CDH12: variants seen among roughly 807,000 people sequenced by gnomAD.
CDH12 encodes the protein cadherin 12.
Under a neutral mutation model 74.1 loss-of-function variants are expected in CDH12, and 41 were observed. The ratio of observed to expected loss-of-function variants is 0.55; its 90% CI spans 0.43 to 0.72. The LOEUF (loss-of-function observed/expected upper bound fraction) is 0.72. Ranked by LOEUF, CDH12 falls within the 30% of genes least tolerant of loss-of-function variation. The pLI is 0.00. For missense variants in CDH12, 945 were observed against 977.2 expected (o/e 0.97, Z 0.44); for synonymous variants, 399 against 355.0 (o/e 1.12, Z -1.39).
chr5:21,751,426 TC>T lies in CDH12; in HGVS notation c.*310del, dbSNP rs764693502. ...GCTATCTTCGTTCTAGGTTGTCATG[TC>T]AGTAAATTGTATTGAATAGGCCTGA... is the stretch of plus-strand genomic sequence containing the variant. On this transcript the variant is annotated 3_prime_UTR_variant, in exon 15 of 15. Coordinates refer to ENST00000382254, the MANE Select transcript of CDH12 (RefSeq NM_004061.5). 4.9e-4 allele frequency: 127 copies of T among 258,178 alleles called. No homozygotes were observed. The highest frequency in any genetic ancestry group is 7.4e-4 in the Non-Finnish European group (98 of 132,794). 16.0% of individuals were successfully genotyped at this position (258,178 alleles called of 1,614,324 possible). A position where few individuals can be genotyped will look rare whatever the true frequency, so the allele number is the denominator to read the frequency against.
At chr5:22,737,313 T>C (rs1744781019) in intron 1 of CDH12, among the ~76,000 whole-genome samples, 1 of 151,874 alleles carries the variant, frequency 6.6e-6, no homozygotes, top group Non-Finnish European at 1.5e-5. Flanking sequence ...CATAGTCTGA[T>C]CCCTACCTGA....
intron 1 of CDH12, among the ~76,000 whole-genome samples, chr5:22,678,033 T>C (rs1741292580): frequency 9.4e-6 from 1 of 106,112 alleles, no homozygotes; most frequent in Non-Finnish European, 2.0e-5. Context: ...TCACCTCCTA[T>C]ACCATCCTCA....
At chr5:21,983,128 C>A (rs1348159286) in intron 5 of CDH12, among the ~76,000 whole-genome samples, 3 of 152,066 alleles carry the variant, frequency 2.0e-5, no homozygotes, top group Non-Finnish European at 4.4e-5. Context: ...TGTTGTCTTG[C>A]ACTAATTTTA....
chr5:22,826,660 G>T (rs931003529), intron 1 of CDH12, among the ~76,000 whole-genome samples: 15 of 152,166 alleles, frequency 9.9e-5, no homozygotes, highest in Non-Finnish European at 1.6e-4. Context: ...TGAAGAACTT[G>T]TTGGGAACTG....
At chr5:21,752,871 A>T (rs1173507949) in intron 14 of CDH12, among the ~76,000 whole-genome samples, 1 of 152,204 alleles carries the variant, frequency 6.6e-6, no homozygotes, top group African/African-American at 2.4e-5. Flanking sequence ...TAAATCTTAC[A>T]AACTAAAGCA....
At chr5:22,283,688 C>G (rs953982870) in intron 3 of CDH12, among the ~76,000 whole-genome samples, 1 of 151,854 alleles carries the variant, frequency 6.6e-6, no homozygotes, top group Non-Finnish European at 1.5e-5. Flanking sequence ...ATCCAGAGAT[C>G]TATTGTATAG....
chr5:21,895,366 T>C (rs1753075823), intron 6 of CDH12, among the ~76,000 whole-genome samples: 1 of 152,124 alleles, frequency 6.6e-6, no homozygotes, highest in Admixed American at 6.6e-5. Context: ...CAAAACTGAG[T>C]AGGCCGGCGG....
At chr5:22,109,798 C>A (rs1450800597) in intron 4 of CDH12, among the ~76,000 whole-genome samples, 3 of 151,950 alleles carry the variant, frequency 2.0e-5, no homozygotes, top group Non-Finnish European at 4.4e-5. Context: ...TCATAGAGTC[C>A]CAGCTTAGTG....
chr5:22,084,387 T>C (rs144014532), intron 4 of CDH12, among the ~76,000 whole-genome samples: 22 of 152,304 alleles, frequency 1.4e-4, no homozygotes, highest in African/African-American at 4.8e-4. Context: ...AATAAAAATA[T>C]TGACTTTGGA....
intron 1 of CDH12, among the ~76,000 whole-genome samples, chr5:22,543,219 A>G (rs1313221807): frequency 6.6e-6 from 1 of 152,178 alleles, no homozygotes; most frequent in Non-Finnish European, 1.5e-5. Flanking sequence ...GATAATACAC[A>G]TAAAACTTGT....
chr5:22,846,760 C>A (rs900002447), intron 1 of CDH12, among the ~76,000 whole-genome samples: 3 of 152,112 alleles, frequency 2.0e-5, no homozygotes, highest in African/African-American at 7.2e-5. Flanking sequence ...TAAAAAGTAA[C>A]ACCTGCTTGA....
rs528439938 is a variant in CDH12 at position 22,180,488 on chromosome 5, AT to A, written c.-187+32009del. On this transcript the variant is annotated intron_variant, in intron 4 of 14. Coordinates refer to ENST00000382254, the MANE Select transcript of CDH12 (RefSeq NM_004061.5). ...CTCAATACAAAAATCACAGTTTTTG[AT>A]TTTTTTTTGTTTATTTTTTTATTTT... Among the ~76,000 whole-genome samples the A allele has an allele frequency of 6.1e-3, 505 of 82,964 alleles. 3 individuals are homozygous for A. The highest frequency in any genetic ancestry group is 0.018 in the African/African-American group (447 of 24,832). 54.4% of individuals were successfully genotyped at this position (82,964 alleles called of 152,430 possible).
At chr5:22,023,978 T>C (rs1371137322) in intron 5 of CDH12, among the ~76,000 whole-genome samples, 1 of 152,136 alleles carries the variant, frequency 6.6e-6, no homozygotes, top group East Asian at 1.9e-4. Flanking sequence ...AGCAGTCACA[T>C]GGCCCCACCT....
intron 1 of CDH12, among the ~76,000 whole-genome samples, chr5:22,686,322 C>T (rs111391978): frequency 1.2e-4 from 18 of 152,026 alleles, no homozygotes; most frequent in Non-Finnish European, 2.1e-4. Context: ...TTCTCCCATA[C>T]TATGGGTTGT....
intron 1 of CDH12, among the ~76,000 whole-genome samples, chr5:22,641,964 C>T (rs1212320540): frequency 2.0e-5 from 3 of 152,084 alleles, no homozygotes; most frequent in Non-Finnish European, 2.9e-5. Flanking sequence ...CAAATGTGGC[C>T]TCCATTTTTG....
At chr5:22,171,821 G>T (rs1171824533) in intron 4 of CDH12, among the ~76,000 whole-genome samples, 2 of 151,788 alleles carry the variant, frequency 1.3e-5, no homozygotes, top group African/African-American at 4.8e-5. Flanking sequence ...GGAAGTGTTT[G>T]GTTATATATC....
chr5:22,458,286 A>G (rs569624133), intron 2 of CDH12, among the ~76,000 whole-genome samples: 1 of 152,026 alleles, frequency 6.6e-6, no homozygotes, highest in African/African-American at 2.4e-5. Flanking sequence ...TGACCACCTT[A>G]TTTTTGCATA....
intron 1 of CDH12, among the ~76,000 whole-genome samples, chr5:22,822,403 G>A (rs1372380089): frequency 6.6e-6 from 1 of 152,000 alleles, no homozygotes; most frequent in African/African-American, 2.4e-5. Context: ...AAACTAAAGA[G>A]CTTCTGCACA....
intron 1 of CDH12, among the ~76,000 whole-genome samples, chr5:22,624,962 A>G (rs973853862): frequency 1.3e-5 from 2 of 152,208 alleles, no homozygotes; most frequent in African/African-American, 4.8e-5. Flanking sequence ...CATATACACC[A>G]TGGAATACTA....
Sources: gnomAD v4.1 joint callset for allele counts (sites outside exome capture counted in the v4.1 genomes callset) on GRCh38, gnomAD v4.1.1 for gene constraint, MANE v1.5 for transcripts, NCBI Gene and HGNC (gene_info 2026-07-23, HGNC 2026-07-21) for gene names.